ENTPD7: variants seen among roughly 807,000 people sequenced by gnomAD.
ENTPD7 encodes the protein ectonucleoside triphosphate diphosphohydrolase 7, also known as NTPDase 7.
In ENTPD7, 53 loss-of-function variants were observed where a neutral mutation model predicts 77.9. The observed-to-expected ratio is 0.68, with a 90% confidence interval of 0.55 to 0.85. The LOEUF (loss-of-function observed/expected upper bound fraction) is 0.85, where lower values mean the gene tolerates loss of function less well. ENTPD7 is among the 40% of genes least tolerant of loss of function. The pLI is 0.00. For missense variants in ENTPD7, 636 were observed against 743.7 expected, an observed-to-expected ratio of 0.86 and a Z score of 1.68; for synonymous variants, 248 against 274.9, an observed-to-expected ratio of 0.90 and a Z score of 0.97.
chr10:99,691,336 A>T (rs2035879958), intron 7 of ENTPD7, 49 bp from the exon 8 acceptor site: 1 of 1,582,900 alleles, frequency 6.3e-7, no homozygotes, highest in Admixed American at 1.9e-5. Flanking sequence ...GTTTGACTTA[A>T]TTTTATTTTT....
chr10:99,679,329 T>C lies in ENTPD7; in HGVS notation c.260T>C (p.Val87Ala), dbSNP rs372561364. Residue 87 changes from valine (V) to alanine (A), a missense_variant, in exon 4 of 13, where the codon GTT becomes GCT. Around this residue, in one of 3 missense-constraint regions of ENTPD7, gnomAD observed 486 missense variants for 556.5 expected, o/e 0.87. Transcript: ENST00000370489. The part of the protein sequence containing the change: ...TEDPNLNYGL[V>A]VDCGSSGSRI... The stretch of plus-strand genomic sequence containing the variant: ...GACCCAAATCTGAATTATGGACTTG[T>C]TGTTGACTGTGGCAGCAGTGGTTCC... 4 of 1,614,220 alleles carry C rather than the reference T, an allele frequency of 2.5e-6. No homozygotes were observed. Among genetic ancestry groups the C allele is most frequent in the Non-Finnish European group, 1.7e-6 (2 of 1,180,042 alleles).
chr10:99,704,410 T>G (rs756440129), intron 12 of ENTPD7, 42 bp from the exon 13 acceptor site: 1 of 1,600,274 alleles, frequency 6.2e-7, no homozygotes. Flanking sequence ...CCTTTGAAAC[T>G]TAACAGTTTT....
chr10:99,670,498 C>T (rs2035607374), intron 3 of ENTPD7, among the ~76,000 whole-genome samples: 1 of 152,106 alleles, frequency 6.6e-6, no homozygotes, highest in Admixed American at 6.5e-5. Flanking sequence ...ATAAATGCAT[C>T]ATTAAGTGAT....
intron 10 of ENTPD7, among the ~76,000 whole-genome samples, chr10:99,699,990 T>C (rs2036079088): frequency 6.6e-6 from 1 of 151,778 alleles, no homozygotes; most frequent in Non-Finnish European, 1.5e-5. Context: ...ATCTGCAGTA[T>C]CTGTACTGTT....
At chr10:99,689,621 CAGG>C (rs1373836881) in intron 7 of ENTPD7, among the ~76,000 whole-genome samples, 1 of 152,172 alleles carries the variant, frequency 6.6e-6, no homozygotes, top group African/African-American at 2.4e-5. Flanking sequence ...CTACTCACAT[CAGG>C]AGTTTTGTAA....
In ENTPD7 at chr10:99,705,026, G is replaced by A. The variant is rs1018920134; in HGVS notation, c.*343G>A. 6 of 272,920 alleles carry A rather than the reference G, an allele frequency of 2.2e-5. No homozygotes were observed. The Admixed American group carries it at 2.8e-4, about 13-fold the overall frequency. The allele number at this position is 272,920 out of a possible 1,614,324, so 16.9% of individuals were successfully genotyped here. On this transcript the variant is annotated 3_prime_UTR_variant, in exon 13 of 13. Transcript: ENST00000370489. ...GCTAAAGCATGAAGTTTGGCATTTG[G>A]CACACTGGAAGCCTGGTTGAAATGA...
At chr10:99,660,554 AC>A in intron 2 of ENTPD7, 2 of 349,070 alleles carry the variant, frequency 5.7e-6, no homozygotes, top group Non-Finnish European at 1.1e-5. Context: ...ACACACACAC[AC>A]ACACACAGAG....
chr10:99,664,184 G>T (rs1272579894), intron 3 of ENTPD7, among the ~76,000 whole-genome samples: 1 of 151,910 alleles, frequency 6.6e-6, no homozygotes, highest in Non-Finnish European at 1.5e-5. Context: ...CTATTTTTTT[G>T]AGATTAGTTT....
intron 3 of ENTPD7, among the ~76,000 whole-genome samples, chr10:99,678,992 C>A (rs2035718911): frequency 6.6e-6 from 1 of 151,334 alleles, no homozygotes; most frequent in Non-Finnish European, 1.5e-5. Context: ...AAAAAGATTG[C>A]TACCTTAGCC....
intron 5 of ENTPD7, among the ~76,000 whole-genome samples, chr10:99,682,938 A>C (rs778289898): frequency 2.0e-5 from 3 of 152,100 alleles, no homozygotes; most frequent in Non-Finnish European, 4.4e-5. Flanking sequence ...GTTTGGAGGA[A>C]AGGAGATTGT....
In ENTPD7 at chr10:99,706,782, T is replaced by C. The variant is rs957363277; in HGVS notation, c.*2099T>C. Reference sequence around the variant, plus strand: ...GCTGCTTAAAAATAATGTCAAAATATGTTTTAGCTGCCTACTCAGGTAACG... The same window carrying C: ...GCTGCTTAAAAATAATGTCAAAATACGTTTTAGCTGCCTACTCAGGTAACG... On this transcript the variant is annotated 3_prime_UTR_variant, in exon 13 of 13. Transcript: ENST00000370489. Among the ~76,000 whole-genome samples, 6 of 152,226 alleles carry C rather than the reference T, an allele frequency of 3.9e-5. No individual in the cohort carries two copies. The highest frequency in any genetic ancestry group is 9.6e-5 in the African/African-American group (4 of 41,454).
At position 99,706,493 on chromosome 10, in the gene ENTPD7, A is replaced by C. The variant is rs563079403; in HGVS notation, c.*1810A>C. 1.6e-4 allele frequency among the ~76,000 whole-genome samples: 20 copies of C among 125,538 alleles called. No homozygotes were observed. In the South Asian group the frequency reaches 5.9e-3, roughly 37 times the overall value. 82.4% of individuals were successfully genotyped at this position (125,538 alleles called of 152,430 possible). On this transcript the variant is annotated 3_prime_UTR_variant, in exon 13 of 13. Coordinates refer to ENST00000370489, the MANE Select transcript of ENTPD7 (RefSeq NM_020354.5). ...TGGGACTACAGGTGTGCGCCACCAC[A>C]CTCAGCTAATTTTTTATTTTATTTT...
rs1340659907 is a variant in ENTPD7 at position 99,679,825 on chromosome 10, G to T, written c.498G>T (p.Glu166Asp). 1.2e-6 allele frequency: 2 copies of T among 1,614,052 alleles called. No homozygotes were observed. The highest frequency in any genetic ancestry group is 2.7e-5 in the African/African-American group (2 of 74,924). ...ATGTGCCTGTGAAGAAGCACAAGGA[G>T]ACCCCTCTTTACATCCTCTGCACAG... ...AAHVPVKKHK[E>D]TPLYILCTAG... The change falls in exon 5 of 13, where the codon GAG (glutamate) becomes GAT (aspartate). Residue 166 changes from glutamate to aspartate, a missense_variant. Around this residue, in one of 3 missense-constraint regions of ENTPD7, gnomAD observed 486 missense variants for 556.5 expected, o/e 0.87. Coordinates refer to ENST00000370489, the MANE Select transcript of ENTPD7 (RefSeq NM_020354.5).
chr10:99,691,705 A>G (rs772848315), intron 8 of ENTPD7, among the ~76,000 whole-genome samples, 187 bp downstream of exon 8: 3 of 152,234 alleles, frequency 2.0e-5, no homozygotes, highest in Admixed American at 6.5e-5. Context: ...AAGGAATAAT[A>G]ATAGTATCTA....
intron 6 of ENTPD7, among the ~76,000 whole-genome samples, chr10:99,686,352 A>G (rs1398194283): frequency 6.6e-6 from 1 of 152,162 alleles, no homozygotes; most frequent in South Asian, 2.1e-4. Context: ...TGCAGTATTG[A>G]TAATTCCCTG....
At chr10:99,660,516 G>A (rs1160856751) in intron 2 of ENTPD7, 1 of 422,334 alleles carries the variant, frequency 2.4e-6, no homozygotes, top group Admixed American at 2.8e-5. Flanking sequence ...AAAACCGAGG[G>A]AATGGATACG....
rs2036111584 is a variant in ENTPD7, at chr10:99,701,043, A to G, written c.1406A>G (p.Asp469Gly). ...FKNGLFSSHA[D>G]EHRLKYQCFK... ...AATGGCCTCTTTTCATCACATGCAG[A>G]TGAGCATCGACTCAAGTAAGTTACT... The change falls in exon 11 of 13, where the codon GAT becomes GGT. Residue 469 changes from aspartate to glycine, a missense_variant. This residue lies in a region of ENTPD7 where 12 missense variants were observed against 36.3 expected (regional missense o/e 0.33). Coordinates refer to ENST00000370489, the MANE Select transcript of ENTPD7 (RefSeq NM_020354.5). The G allele has an allele frequency of 1.2e-6, 2 of 1,614,078 alleles. No homozygotes were observed. The highest frequency in any genetic ancestry group is 8.5e-7 in the Non-Finnish European group (1 of 1,179,928).
chr10:99,674,311 G>C (rs540519059), intron 3 of ENTPD7, among the ~76,000 whole-genome samples: 1 of 152,140 alleles, frequency 6.6e-6, no homozygotes, highest in Non-Finnish European at 1.5e-5. Context: ...ATGTTATTTT[G>C]CCTTTTAAAA....
At chr10:99,694,422 T>G (rs1564633761) in intron 8 of ENTPD7, among the ~76,000 whole-genome samples, 1 of 152,252 alleles carries the variant, frequency 6.6e-6, no homozygotes, top group Non-Finnish European at 1.5e-5. Context: ...ATGCTGTATT[T>G]TGTTTATCCA....
Sources: gnomAD v4.1 joint callset for allele counts (sites outside exome capture counted in the v4.1 genomes callset) on GRCh38, gnomAD v4.1.1 for gene constraint, gnomAD v4.1.1 regional missense constraint, MANE v1.5 for transcripts, NCBI Gene and HGNC (gene_info 2026-07-23, HGNC 2026-07-21) for gene names.